Variants in P3H2 observed in about 807,000 individuals in gnomAD.
The protein encoded by P3H2 is prolyl 3-hydroxylase 2, also known as leprecan-like 1.
A neutral mutation model predicts 87.0 loss-of-function variants in P3H2; 80 were observed. That is an observed-to-expected ratio of 0.92 (90% CI 0.77 to 1.11). P3H2 has a LOEUF of 1.11. Among genes scored for constraint, P3H2 ranks in the 50% least tolerant of loss-of-function variants. P3H2 has a pLI of 0.00. For missense variants in P3H2, 1,001 were observed against 923.9 expected, an observed-to-expected ratio of 1.08 and a Z score of -1.08; for synonymous variants, 367 against 359.3, an observed-to-expected ratio of 1.02 and a Z score of -0.24.
chr3:189,969,764 T>A (rs1723114133), intron 13 of P3H2: 1 of 1,605,358 alleles, frequency 6.2e-7, no homozygotes, highest in African/African-American at 1.3e-5. Flanking sequence ...AGTATCCACA[T>A]ATTTTTCAGT....
intron 1 of P3H2, among the ~76,000 whole-genome samples, chr3:190,040,323 C>T (rs1466116194): frequency 2.6e-5 from 4 of 152,172 alleles, no homozygotes; most frequent in South Asian, 2.1e-4. Context: ...GGTACTCATT[C>T]GGTCCATAAA....
Position 190,120,380 on chromosome 3 carries a change from G to A in P3H2, c.352C>T (p.Arg118Cys), listed in dbSNP as rs1432266594. 13 of 1,544,824 alleles carry A rather than the reference G, an allele frequency of 8.4e-6. No homozygotes were observed. The highest frequency in any genetic ancestry group is 2.3e-4 in the Middle Eastern group (1 of 4,434). ...PLFRSLLGRA[R>C]CYRSCETQRL... ...TGGGTCTCACAGCTGCGATAACAGCGCGCCCGCCCCAACAAGGAGCGGAAA... is the reference window on the plus strand; with the variant it reads ...TGGGTCTCACAGCTGCGATAACAGCACGCCCGCCCCAACAAGGAGCGGAAA... Residue 118 changes from arginine (R) to cysteine (C), a missense_variant, in exon 1 of 15, where the codon CGC becomes TGC. Transcript: ENST00000319332.
At chr3:190,020,070 T>C (rs1449548502) in intron 1 of P3H2, among the ~76,000 whole-genome samples, 3 of 133,184 alleles carry the variant, frequency 2.3e-5, no homozygotes, top group African/African-American at 5.2e-5. Flanking sequence ...GAAAGGTTCA[T>C]AGTTGGTCTA....
intron 1 of P3H2, among the ~76,000 whole-genome samples, chr3:190,089,195 A>G (rs904801379): frequency 3.3e-5 from 5 of 152,144 alleles, no homozygotes; most frequent in Admixed American, 6.5e-5. Flanking sequence ...CAGAGTGAGG[A>G]ACATCACACA....
At position 189,996,648 on chromosome 3, in the gene P3H2, G is replaced by C. The variant is rs114089975; in HGVS notation, c.481-1206C>G. On this transcript the variant is annotated intron_variant, in intron 1 of 14. Coordinates refer to ENST00000319332, the MANE Select transcript of P3H2 (RefSeq NM_018192.4). ...CCAACATAAATGATAAGTGTTTTAG[G>C]CAACAGATTTGCTGATTACCCTGAT... Among the ~76,000 whole-genome samples the C allele has an allele frequency of 6.5e-3, 983 of 152,154 alleles. 15 individuals carry two copies. The highest frequency in any genetic ancestry group is 0.022 in the African/African-American group (934 of 41,516).
chr3:190,094,956 T>C (rs904618899), intron 1 of P3H2, among the ~76,000 whole-genome samples: 4 of 152,110 alleles, frequency 2.6e-5, no homozygotes, highest in Non-Finnish European at 5.9e-5. Flanking sequence ...TCTGCCACAG[T>C]CAGGCCAAAT....
chr3:190,098,384 T>C (rs1430728262), intron 1 of P3H2, among the ~76,000 whole-genome samples: 1 of 152,170 alleles, frequency 6.6e-6, no homozygotes, highest in Non-Finnish European at 1.5e-5. Context: ...GCTACAAAAT[T>C]AAAAATTAAG....
At chr3:190,040,753 T>C (rs911731416) in intron 1 of P3H2, among the ~76,000 whole-genome samples, 60 of 152,126 alleles carry the variant, frequency 3.9e-4, no homozygotes, top group African/African-American at 1.4e-3. Context: ...TGTTATGAAC[T>C]CTATGCAAAA....
At chr3:189,983,550 T>G (rs1362291298) in intron 7 of P3H2, 1 of 164,274 alleles carries the variant, frequency 6.1e-6, no homozygotes, top group African/African-American at 2.4e-5. Flanking sequence ...AGTTCTTGAC[T>G]ATTGTGAAAA....
rs1170158476 is a variant in P3H2 at position 189,973,927 on chromosome 3, A to G, written c.1530T>C (p.Thr510=). The G allele has an allele frequency of 1.2e-6, 2 of 1,613,854 alleles. No individual in the cohort carries two copies. Among genetic ancestry groups the G allele is most frequent in the South Asian group, 1.1e-5 (1 of 91,076 alleles). Reference sequence around the variant, plus strand: ...ACTTTACTTTGAGTGCTTTCAGGACAGTTGCACCTTCAAACTTTTCATTGG... The same window carrying G: ...ACTTTACTTTGAGTGCTTTCAGGACGGTTGCACCTTCAAACTTTTCATTGG... ...HTPNEKFEGA[T]VLKALKSGYE... is the part of the protein sequence containing the mutation. The change falls in exon 10 of 15, where the codon ACT becomes ACC. Residue 510 remains threonine, a synonymous_variant. Coordinates refer to ENST00000319332, the MANE Select transcript of P3H2 (RefSeq NM_018192.4).
At chr3:189,979,286 G>A (rs776075399) in intron 8 of P3H2, among the ~76,000 whole-genome samples, 9 of 151,750 alleles carry the variant, frequency 5.9e-5, no homozygotes, top group Non-Finnish European at 7.4e-5. Flanking sequence ...AAATTCGCTG[G>A]GCATGGTGAT....
chr3:190,117,104 C>G (rs1453946964), intron 1 of P3H2, among the ~76,000 whole-genome samples: 1 of 152,210 alleles, frequency 6.6e-6, no homozygotes, highest in Non-Finnish European at 1.5e-5. Context: ...TTGGAAGAAT[C>G]CAGACTCCTG....
intron 3 of P3H2, among the ~76,000 whole-genome samples, chr3:189,991,854 C>T (rs997752421): frequency 5.9e-5 from 9 of 152,118 alleles, no homozygotes; most frequent in Non-Finnish European, 1.3e-4. Flanking sequence ...AGAGACTGCT[C>T]TGTGGGCATT....
rs576714854 is a variant in P3H2 at position 189,966,576 on chromosome 3, T to TC, written c.1894-2479dup. On this transcript the variant is annotated intron_variant, in intron 13 of 14. Coordinates refer to ENST00000319332, the MANE Select transcript of P3H2 (RefSeq NM_018192.4). ...ATAAACAAGCTTTAGTGAACCTGCT[T>TC]CCATGTGTGACATTGTTTCTACAGC... is the stretch of plus-strand genomic sequence containing the variant. 2.5e-4 allele frequency among the ~76,000 whole-genome samples: 38 copies of TC among 152,372 alleles called. 1 individual carries two copies. In the South Asian group the frequency reaches 7.5e-3, roughly 30 times the overall value.
chr3:189,987,455 G>A (rs1723738828), intron 5 of P3H2, 72 bp downstream of exon 5: 1 of 1,515,966 alleles, frequency 6.6e-7, no homozygotes, highest in Admixed American at 2.0e-5. Context: ...CTCCAGCCTG[G>A]GCAACAAGAG....
At chr3:190,035,051 A>G (rs1334502334) in intron 1 of P3H2, among the ~76,000 whole-genome samples, 2 of 151,658 alleles carry the variant, frequency 1.3e-5, no homozygotes, top group African/African-American at 4.8e-5. Flanking sequence ...GTTTCACCGT[A>G]TTGGTCTGGC....
chr3:190,002,269 T>A (rs1343338319), intron 1 of P3H2, among the ~76,000 whole-genome samples: 3 of 152,148 alleles, frequency 2.0e-5, no homozygotes, highest in Non-Finnish European at 4.4e-5. Context: ...AAATTAATTT[T>A]AACATCCATA....
intron 1 of P3H2, among the ~76,000 whole-genome samples, chr3:190,092,978 C>G (rs1430455238): frequency 2.0e-5 from 3 of 152,174 alleles, no homozygotes; most frequent in Admixed American, 6.5e-5. Context: ...TGCTTAGTGT[C>G]TCATACATGT....
chr3:190,084,075 T>C (rs1421694188), intron 1 of P3H2, among the ~76,000 whole-genome samples: 1 of 152,230 alleles, frequency 6.6e-6, no homozygotes, highest in Non-Finnish European at 1.5e-5. Context: ...AATGGTGGCA[T>C]ATTCCCTCAG....
Sources: allele counts gnomAD v4.1 joint callset (sites outside exome capture counted in the v4.1 genomes callset), GRCh38; gene constraint gnomAD v4.1.1; transcripts MANE v1.5; gene names NCBI Gene and HGNC (gene_info 2026-07-23, HGNC 2026-07-21).